The following PALB2 variants were observed in gnomAD, a reference collection of about 807,000 sequenced individuals.
The protein encoded by PALB2 is mutant partner and localizer of BRCA2.
Under a neutral mutation model 107.4 loss-of-function variants are expected in PALB2, and 82 were observed. The observed-to-expected ratio is 0.76, with a 90% CI of 0.64 to 0.92. The LOEUF (loss-of-function observed/expected upper bound fraction) is 0.92. Among genes scored for constraint, PALB2 ranks in the 40% least tolerant of loss-of-function variants. The probability of loss-of-function intolerance (pLI) is 0.00; values close to 1 mark genes in which losing one functional copy is unlikely to be tolerated. For synonymous variants in PALB2, 489 were observed against 496.8 expected (o/e 0.98, Z 0.21); for missense variants, 1,374 against 1,379.9 (o/e 1.00, Z 0.07).
intron 11 of PALB2, among the ~76,000 whole-genome samples, chr16:23,610,531 T>C (rs1001124847): frequency 1.3e-5 from 2 of 151,412 alleles, no homozygotes; most frequent in African/African-American, 4.8e-5. Flanking sequence ...ATGGTCTCAA[T>C]CTCCTGACCT....
intron 11 of PALB2, among the ~76,000 whole-genome samples, chr16:23,609,212 G>C (rs1206894671): frequency 6.6e-6 from 1 of 152,178 alleles, no homozygotes; most frequent in African/African-American, 2.4e-5. Flanking sequence ...CAGTAGGATA[G>C]CTTGAGACAA....
rs775290401 is a variant in PALB2, at chr16:23,614,050, T to A, written c.3155A>T (p.Asp1052Val). Residue 1052 changes from aspartate (D) to valine (V), a missense_variant, in exon 11 of 13, where the codon GAT becomes GTT. Physicochemically the swap from Asp to Val is radical, Grantham distance 152 (BLOSUM62 -3). Transcript: ENST00000261584. ...ACAGACTGAAGCTTGGTAAGAATCA[T>A]CAATGTGCATCTTTTTCAGGAGTTG... ...TGQLLKKMHI[D>V]DSYQASVCHK... is the part of the protein sequence containing the mutation. 2 of 1,613,664 alleles carry A rather than the reference T, an allele frequency of 1.2e-6. No individual in the cohort carries two copies. Among genetic ancestry groups the A allele is most frequent in the Non-Finnish European group, 1.7e-6 (2 of 1,179,658 alleles).
chr16:23,614,525 A>C (rs1966644933), intron 10 of PALB2, among the ~76,000 whole-genome samples: 2 of 152,160 alleles, frequency 1.3e-5, no homozygotes. Context: ...TCTCTATTAC[A>C]TGTATTTATA....
Position 23,626,398 on chromosome 16 carries a change from C to G in PALB2, c.2587-1G>C, listed in dbSNP as rs761214886. ...CTACGGAACAGGAACCTGAAGGATT[C>G]TGACACAATGGCAACAGTTCTGTTA... is the stretch of plus-strand genomic sequence containing the variant. On this transcript the variant is annotated splice_acceptor_variant, in intron 6 of 12. Coordinates refer to ENST00000261584, the MANE Select transcript of PALB2 (RefSeq NM_024675.4). LOFTEE classifies it high-confidence loss of function. The G allele has an allele frequency of 6.2e-7, 1 of 1,614,154 alleles. No individual in the cohort carries two copies. Among genetic ancestry groups the G allele is most frequent in the South Asian group, 1.1e-5 (1 of 91,080 alleles).
chr16:23,632,606 G>A (rs751479568), intron 4 of PALB2, among the ~76,000 whole-genome samples: 5 of 152,186 alleles, frequency 3.3e-5, no homozygotes, highest in African/African-American at 4.8e-5. Context: ...GAAATGGGTA[G>A]CAGCTGCTTA....
At chr16:23,610,740 T>C (rs1018151781) in intron 11 of PALB2, among the ~76,000 whole-genome samples, 4 of 152,096 alleles carry the variant, frequency 2.6e-5, no homozygotes, top group African/African-American at 7.2e-5. Context: ...TTTAAATGCT[T>C]AATAAGTAAA....
Position 23,638,243 on chromosome 16 carries a change from A to G in PALB2, c.49-114T>C, listed in dbSNP as rs1489120804. The stretch of plus-strand genomic sequence containing the variant: ...AAGAGGCAGGGAGTAGCACTGGTCC[A>G]TAACAATCTACTTTTGGTTCTCAAA... On this transcript the variant is annotated intron_variant, in intron 1 of 12. Transcript: ENST00000261584. The G allele has an allele frequency of 4.9e-5, 40 of 812,956 alleles. No homozygotes were observed. In the Middle Eastern group the frequency reaches 9.0e-4, roughly 18 times the overall value. The allele number at this position is 812,956 out of a possible 1,614,324, so 50.4% of individuals were successfully genotyped here.
In PALB2 at chr16:23,614,221, T is replaced by G. The variant is rs1304034435; in HGVS notation, c.3114-130A>C. 8.8e-6 allele frequency: 6 copies of G among 679,838 alleles called. No homozygotes were observed. Among genetic ancestry groups the G allele is most frequent in the Non-Finnish European group, 1.5e-5 (6 of 387,178 alleles). 42.1% of individuals were successfully genotyped at this position (679,838 alleles called of 1,614,324 possible). On this transcript the variant is annotated intron_variant, in intron 10 of 12. Coordinates refer to ENST00000261584, the MANE Select transcript of PALB2 (RefSeq NM_024675.4). The stretch of plus-strand genomic sequence containing the variant: ...AAAAACTAAGAGCTCCTTAGTTTTC[T>G]TTAGTCATAGATTTAGGTAAAAGTA...
At chr16:23,607,489 T>G in intron 12 of PALB2, 1 of 311,952 alleles carries the variant, frequency 3.2e-6, no homozygotes, top group Non-Finnish European at 6.3e-6. Flanking sequence ...AGAGACTGGG[T>G]CTTGCTCTGT....
At chr16:23,626,683 G>C (rs1428996786) in intron 6 of PALB2, among the ~76,000 whole-genome samples, 1 of 152,102 alleles carries the variant, frequency 6.6e-6, no homozygotes, top group African/African-American at 2.4e-5. Context: ...GTGCAGTGGT[G>C]CAATCTCGGC....
At chr16:23,629,102 AATAGT>A (rs1966853133) in intron 6 of PALB2, 97 bp downstream of exon 6, 1 of 880,998 alleles carries the variant, frequency 1.1e-6, no homozygotes, top group Admixed American at 1.8e-5. Context: ...CAATATCTTT[AATAGT>A]ATTAAAGAAC....
chr16:23,617,580 A>T (rs576553), intron 10 of PALB2: 11,827 of 135,238 alleles, frequency 0.087, 518 homozygotes, highest in East Asian at 0.18. Context: ...AAAAAAAAAA[A>T]TTTTTTTTTT....
intron 10 of PALB2, among the ~76,000 whole-genome samples, chr16:23,620,745 T>C (rs781486790): frequency 3.9e-5 from 6 of 152,174 alleles, no homozygotes; most frequent in Non-Finnish European, 8.8e-5. Flanking sequence ...AATATGATGT[T>C]GTTGGTAAGT....
intron 11 of PALB2, among the ~76,000 whole-genome samples, chr16:23,609,751 C>T (rs1477227396): frequency 1.3e-5 from 2 of 152,184 alleles, no homozygotes; most frequent in African/African-American, 2.4e-5. Context: ...CTCCTGACCT[C>T]ATGATCCGCC....
chr16:23,637,979 AAT>A, intron 2 of PALB2, 27 bp from the exon 3 acceptor site: 1 of 1,607,592 alleles, frequency 6.2e-7, no homozygotes, highest in Non-Finnish European at 8.5e-7. Flanking sequence ...CAGCCCCAGA[AAT>A]ACGTTTTCTT....
Position 23,611,096 on chromosome 16 carries a change from CTAT to C in PALB2, c.3201+2905_3201+2907del, listed in dbSNP as rs755810346. On this transcript the variant is annotated intron_variant, in intron 11 of 12. Coordinates refer to ENST00000261584, the MANE Select transcript of PALB2 (RefSeq NM_024675.4). The stretch of plus-strand genomic sequence containing the variant: ...ACTGTCAGTCTATCTATCTATCTAT[CTAT>C]CTATCTATCTATCTATCTATCTATC... Among the ~76,000 whole-genome samples the C allele has an allele frequency of 8.5e-4, 128 of 150,426 alleles. 1 individual carries two copies. The highest frequency in any genetic ancestry group is 1.6e-3 in the Non-Finnish European group (111 of 67,888).
chr16:23,617,302 T>C (rs766922404), intron 10 of PALB2, among the ~76,000 whole-genome samples: 3 of 152,166 alleles, frequency 2.0e-5, no homozygotes, highest in Non-Finnish European at 4.4e-5. Context: ...ATATGATTAA[T>C]ACACCTTTGA....
chr16:23,623,860 T>C (rs1456179836), intron 8 of PALB2, 149 bp downstream of exon 8: 3 of 662,144 alleles, frequency 4.5e-6, no homozygotes, highest in South Asian at 1.8e-5. Flanking sequence ...AGGGATGTCA[T>C]TCTATTGATT....
chr16:23,630,621 T>C, intron 4 of PALB2, 152 bp from the exon 5 acceptor site: 2 of 702,534 alleles, frequency 2.8e-6, no homozygotes, highest in Non-Finnish European at 4.7e-6. Flanking sequence ...ATGTTTACAA[T>C]GAAGTCCTAT....
Sources: gnomAD v4.1 joint callset for allele counts (sites outside exome capture counted in the v4.1 genomes callset) on GRCh38, gnomAD v4.1.1 for gene constraint, MANE v1.5 for transcripts, NCBI Gene and HGNC (gene_info 2026-07-23, HGNC 2026-07-21) for gene names.